Variants in TGFB2 observed in about 807,000 individuals in gnomAD.
TGFB2 encodes transforming growth factor beta-2 proprotein.
In TGFB2, 13 loss-of-function variants were observed where a neutral mutation model predicts 42.7. The observed-to-expected ratio is 0.30, with a 90% CI of 0.20 to 0.48. The LOEUF (loss-of-function observed/expected upper bound fraction) is 0.48, where lower values mean the gene tolerates loss of function less well. Among genes scored for constraint, TGFB2 ranks in the 20% least tolerant of loss-of-function variants. The pLI, the probability that TGFB2 is intolerant of heterozygous loss-of-function variation, is 0.99. For missense variants in TGFB2, 390 were observed against 517.5 expected (o/e 0.75, Z 2.39); for synonymous variants, 193 against 193.6 (o/e 1.00, Z 0.03).
At chr1:218,373,613 G>T (rs10482743) in intron 1 of TGFB2, among the ~76,000 whole-genome samples, 2 of 152,016 alleles carry the variant, frequency 1.3e-5, no homozygotes, top group African/African-American at 4.8e-5. Context: ...AGGAAACTGA[G>T]GTGTAGTAAC....
chr1:218,433,972 A>G, intron 2 of TGFB2, 110 bp from the exon 3 acceptor site: 1 of 1,391,344 alleles, frequency 7.2e-7, no homozygotes, highest in South Asian at 1.3e-5. Flanking sequence ...TGGCTATACT[A>G]CAGTAGAGCT....
chr1:218,441,201 C>T lies in TGFB2; in HGVS notation c.1087-3C>T, dbSNP rs1660139494. ...TTGTCTCTCCTCTCCTGTGTCCTTTCAGGTCCTGAGCTTATATAATACCAT... is the reference window on the plus strand; with the variant it reads ...TTGTCTCTCCTCTCCTGTGTCCTTTTAGGTCCTGAGCTTATATAATACCAT... On this transcript the variant is annotated splice_polypyrimidine_tract_variant and splice_region_variant and intron_variant, in intron 6 of 6. Transcript: ENST00000366930. The T allele has an allele frequency of 6.2e-7, 1 of 1,603,208 alleles. No homozygotes were observed. The highest frequency in any genetic ancestry group is 8.5e-7 in the Non-Finnish European group (1 of 1,177,582).
intron 1 of TGFB2, among the ~76,000 whole-genome samples, chr1:218,366,289 AGGT>A (rs1657384380): frequency 6.6e-6 from 1 of 152,142 alleles, no homozygotes; most frequent in Non-Finnish European, 1.5e-5. Context: ...TAAGATTTAA[AGGT>A]GGTATTTCTC....
At chr1:218,437,206 C>T (rs1336578888) in intron 5 of TGFB2, 137 bp from the exon 6 acceptor site, 5 of 861,606 alleles carry the variant, frequency 5.8e-6, no homozygotes, top group Non-Finnish European at 8.8e-6. Context: ...TAAAACCTGG[C>T]CCATGATATT....
In TGFB2 at chr1:218,437,493, C is replaced by T. The variant is rs1231151571; in HGVS notation, c.1083C>T (p.Ser361=). Residue 361 remains serine, a synonymous_variant, in exon 6 of 7, where the codon AGC becomes AGT. Transcript: ENST00000366930. ...PYLWSSDTQH[S]RVLSLYNTIN... ...TATGGAGTTCAGACACTCAGCACAG[C>T]AGGGTGAGTGTTCAGCTTACCTGTT... 1.6e-5 allele frequency: 25 copies of T among 1,609,932 alleles called. No homozygotes were observed. The highest frequency in any genetic ancestry group is 2.0e-5 in the Non-Finnish European group (24 of 1,178,244).
intron 1 of TGFB2, among the ~76,000 whole-genome samples, chr1:218,404,051 C>CAA (rs35450089): frequency 0.033 from 3,261 of 99,712 alleles, 60 homozygotes; most frequent in Middle Eastern, 0.062. Context: ...TGGCAGATTA[C>CAA]AAAAAAAAAA....
chr1:218,414,419 G>T (rs1400323697), intron 2 of TGFB2, among the ~76,000 whole-genome samples: 1 of 152,136 alleles, frequency 6.6e-6, no homozygotes, highest in African/African-American at 2.4e-5. Context: ...TAATTTTACA[G>T]CATACAATCT....
intron 1 of TGFB2, among the ~76,000 whole-genome samples, chr1:218,361,079 T>C (rs972060421): frequency 1.3e-5 from 2 of 152,188 alleles, no homozygotes; most frequent in Admixed American, 1.3e-4. Flanking sequence ...GGTCTCAAAC[T>C]CCTGACCTCG....
At chr1:218,426,789 A>G (rs1425280795) in intron 2 of TGFB2, among the ~76,000 whole-genome samples, 5 of 152,214 alleles carry the variant, frequency 3.3e-5, no homozygotes, top group Admixed American at 1.3e-4. Flanking sequence ...AAATTTTTAA[A>G]ACTTAAAACA....
At chr1:218,422,658 C>A (rs778868871) in intron 2 of TGFB2, among the ~76,000 whole-genome samples, 18 of 152,166 alleles carry the variant, frequency 1.2e-4, no homozygotes, top group Non-Finnish European at 2.2e-4. Context: ...ATCTACCTGG[C>A]AAGGATAGAT....
intron 1 of TGFB2, among the ~76,000 whole-genome samples, chr1:218,394,293 A>T (rs1054569361): frequency 1.3e-5 from 2 of 152,086 alleles, no homozygotes; most frequent in African/African-American, 4.8e-5. Flanking sequence ...ACCCTACACA[A>T]ACTGCCTGCA....
At position 218,425,455 on chromosome 1, in the gene TGFB2, C is replaced by T. The variant is rs146138759; in HGVS notation, c.511-8627C>T. ...ATCTCCTGACCTCATAATCTGCCCA[C>T]CTCAGCCTCCCAAAGTGCTAGGATT... On this transcript the variant is annotated intron_variant, in intron 2 of 6. Coordinates refer to ENST00000366930, the MANE Select transcript of TGFB2 (RefSeq NM_003238.6). 2.6e-4 allele frequency among the ~76,000 whole-genome samples: 40 copies of T among 152,244 alleles called. No individual in the cohort carries two copies. The East Asian group carries it at 7.7e-3, about 29-fold the overall frequency.
intron 2 of TGFB2, among the ~76,000 whole-genome samples, chr1:218,428,681 T>A (rs562039505): frequency 1.3e-5 from 2 of 152,356 alleles, no homozygotes; most frequent in Admixed American, 1.3e-4. Flanking sequence ...CTCTGTTCTG[T>A]TCCATTGATC....
intron 1 of TGFB2, among the ~76,000 whole-genome samples, chr1:218,362,644 A>G (rs1207613930): frequency 1.3e-5 from 2 of 152,162 alleles, no homozygotes; most frequent in Admixed American, 6.5e-5. Flanking sequence ...TCAATTTGAG[A>G]TATTTTGTGG....
At chr1:218,369,586 C>A (rs1344013849) in intron 1 of TGFB2, among the ~76,000 whole-genome samples, 1 of 152,162 alleles carries the variant, frequency 6.6e-6, no homozygotes, top group Non-Finnish European at 1.5e-5. Flanking sequence ...GTGAAAATAA[C>A]CCCTTGGGTC....
At chr1:218,392,887 C>T (rs1310620193) in intron 1 of TGFB2, among the ~76,000 whole-genome samples, 1 of 152,192 alleles carries the variant, frequency 6.6e-6, no homozygotes, top group African/African-American at 2.4e-5. Flanking sequence ...GCAATCCTAG[C>T]AGGGTGTGCC....
intron 2 of TGFB2, among the ~76,000 whole-genome samples, chr1:218,423,187 G>A (rs368927014): frequency 6.6e-6 from 1 of 152,168 alleles, no homozygotes; most frequent in Non-Finnish European, 1.5e-5. Context: ...TTTTGACCTA[G>A]AGAGTCAGAT....
intron 6 of TGFB2, among the ~76,000 whole-genome samples, chr1:218,439,751 T>G (rs1384558090): frequency 6.6e-6 from 1 of 152,160 alleles, no homozygotes; most frequent in East Asian, 1.9e-4. Context: ...TGTTGCCAAG[T>G]AGAAACATAA....
intron 1 of TGFB2, among the ~76,000 whole-genome samples, chr1:218,398,450 T>G (rs193008546): frequency 1.3e-5 from 2 of 152,356 alleles, no homozygotes; most frequent in African/African-American, 4.8e-5. Flanking sequence ...GGGGACTTCT[T>G]GCAAGCCTCA....
Sources: allele counts gnomAD v4.1 joint callset (sites outside exome capture counted in the v4.1 genomes callset), GRCh38; gene constraint gnomAD v4.1.1; transcripts MANE v1.5; gene names NCBI Gene and HGNC (gene_info 2026-07-23, HGNC 2026-07-21).